PAPSS2: variants seen among roughly 807,000 people sequenced by gnomAD.
The protein encoded by PAPSS2 is bifunctional 3'-phosphoadenosine 5'-phosphosulfate synthase 2.
In PAPSS2, 61 loss-of-function variants were observed where a neutral mutation model predicts 66.5. The ratio of observed to expected loss-of-function variants is 0.92; its 90% confidence interval spans 0.75 to 1.14. The LOEUF is 1.14. Ranked by LOEUF, PAPSS2 falls within the 50% of genes most tolerant of loss-of-function variation. PAPSS2 has a pLI of 0.00. For synonymous variants in PAPSS2, 289 were observed against 287.5 expected (o/e 1.01, Z -0.05); for missense variants, 708 against 789.6 (o/e 0.90, Z 1.24).
intron 1 of PAPSS2, among the ~76,000 whole-genome samples, chr10:87,683,999 A>T (rs1471853438): frequency 1.3e-5 from 2 of 152,206 alleles, no homozygotes; most frequent in African/African-American, 4.8e-5. Context: ...CTGGCCTCAG[A>T]TGAAATATCC....
At chr10:87,695,465 G>C (rs1853220461) in intron 1 of PAPSS2, among the ~76,000 whole-genome samples, 1 of 152,196 alleles carries the variant, frequency 6.6e-6, no homozygotes, top group Admixed American at 6.5e-5. Flanking sequence ...AGGTTAGGGG[G>C]CAAAAGGCAA....
chr10:87,689,338 C>A (rs866157666), intron 1 of PAPSS2, among the ~76,000 whole-genome samples: 17 of 128,276 alleles, frequency 1.3e-4, no homozygotes, highest in Middle Eastern at 8.9e-3. Context: ...AAAACTCCAT[C>A]TCAAAAAAAA....
At chr10:87,701,389 T>TTTC (rs1853312408) in intron 1 of PAPSS2, among the ~76,000 whole-genome samples, 2 of 100,940 alleles carry the variant, frequency 2.0e-5, no homozygotes, top group African/African-American at 9.1e-5. Flanking sequence ...TCTTTCTTTC[T>TTTC]TTCTTTCTCT....
intron 1 of PAPSS2, among the ~76,000 whole-genome samples, chr10:87,670,832 A>T (rs1392594646): frequency 1.3e-5 from 2 of 152,160 alleles, no homozygotes; most frequent in African/African-American, 4.8e-5. Flanking sequence ...CATCAAAAAT[A>T]CCCAGTTTCT....
At chr10:87,692,562 T>C (rs1853184876) in intron 1 of PAPSS2, among the ~76,000 whole-genome samples, 1 of 151,644 alleles carries the variant, frequency 6.6e-6, no homozygotes, top group Non-Finnish European at 1.5e-5. Context: ...AGAAAAAGAG[T>C]GGTCAATGGG....
intron 1 of PAPSS2, among the ~76,000 whole-genome samples, chr10:87,687,865 A>T (rs1165952144): frequency 6.6e-6 from 1 of 152,024 alleles, no homozygotes; most frequent in Non-Finnish European, 1.5e-5. Flanking sequence ...AGAATACAAA[A>T]AATGATGATT....
intron 1 of PAPSS2, among the ~76,000 whole-genome samples, chr10:87,687,755 A>G (rs1381436822): frequency 6.6e-6 from 1 of 152,238 alleles, no homozygotes; most frequent in Admixed American, 6.5e-5. Flanking sequence ...CACAAGGTAT[A>G]CATGTATCGA....
chr10:87,741,543 C>G (rs529014747), intron 10 of PAPSS2, among the ~76,000 whole-genome samples, 173 bp downstream of exon 10: 1 of 151,806 alleles, frequency 6.6e-6, no homozygotes, highest in Non-Finnish European at 1.5e-5. Context: ...TACAGGTGCC[C>G]ACCACTACGC....
intron 9 of PAPSS2, among the ~76,000 whole-genome samples, chr10:87,734,054 C>G (rs1182967319): frequency 6.6e-6 from 1 of 152,156 alleles, no homozygotes. Flanking sequence ...TCTTTCCTCT[C>G]TCTTGTCTTA....
At position 87,747,445 on chromosome 10, in the gene PAPSS2, C is replaced by T. The variant is rs1853956814; in HGVS notation, c.*1475C>T. ...AAAGTTCTTTTGAGAATAAGTTACACACAATGGCCACAGCAGTTTGTCTTT... is the reference window on the plus strand; with the variant it reads ...AAAGTTCTTTTGAGAATAAGTTACATACAATGGCCACAGCAGTTTGTCTTT... On this transcript the variant is annotated 3_prime_UTR_variant, in exon 13 of 13. Transcript: ENST00000456849. 1 of 152,262 alleles carries T rather than the reference C, an allele frequency of 6.6e-6. No individual in the cohort carries two copies. The highest frequency in any genetic ancestry group is 6.5e-5 in the Admixed American group (1 of 15,272). The allele number at this position is 152,262 out of a possible 1,614,324, so 9.4% of individuals were successfully genotyped here. A position where few individuals can be genotyped will look rare whatever the true frequency, so the allele number is the denominator to read the frequency against.
At chr10:87,689,695 G>C (rs991321261) in intron 1 of PAPSS2, among the ~76,000 whole-genome samples, 1 of 124,106 alleles carries the variant, frequency 8.1e-6, no homozygotes, top group African/African-American at 3.1e-5. Flanking sequence ...AAAAAAAAAA[G>C]AACTGGGAAG....
chr10:87,741,054 T>C (rs1381516207), intron 9 of PAPSS2, among the ~76,000 whole-genome samples, 181 bp from the exon 10 acceptor site: 1 of 152,184 alleles, frequency 6.6e-6, no homozygotes, highest in Non-Finnish European at 1.5e-5. Flanking sequence ...TACTCAATAA[T>C]TTTTTAAGAG....
chr10:87,687,755 A>C (rs1381436822), intron 1 of PAPSS2, among the ~76,000 whole-genome samples: 2 of 152,238 alleles, frequency 1.3e-5, no homozygotes, highest in East Asian at 3.8e-4. Context: ...CACAAGGTAT[A>C]CATGTATCGA....
At chr10:87,721,680 T>C (rs1175894382) in intron 7 of PAPSS2, 76 bp from the exon 8 acceptor site, 5 of 952,490 alleles carry the variant, frequency 5.2e-6, no homozygotes, top group Non-Finnish European at 8.2e-6. Context: ...AGGAATTTGT[T>C]CTTTGACATT....
At chr10:87,705,495 G>GT (rs553285178) in intron 1 of PAPSS2, among the ~76,000 whole-genome samples, 374 of 151,866 alleles carry the variant, frequency 2.5e-3, no homozygotes, top group African/African-American at 8.6e-3. Flanking sequence ...AAATGTCAGG[G>GT]TTTTTTTTCC....
intron 1 of PAPSS2, among the ~76,000 whole-genome samples, chr10:87,685,443 A>T (rs974438506): frequency 4.6e-5 from 7 of 152,186 alleles, no homozygotes; most frequent in African/African-American, 1.7e-4. Context: ...CAATCCTGGC[A>T]CTTACGGAGG....
chr10:87,674,478 T>G (rs1394532973), intron 1 of PAPSS2, among the ~76,000 whole-genome samples: 1 of 152,174 alleles, frequency 6.6e-6, no homozygotes, highest in Non-Finnish European at 1.5e-5. Flanking sequence ...AATTTTTTTT[T>G]TATAACTTGT....
At chr10:87,697,441 C>T (rs771502644) in intron 1 of PAPSS2, among the ~76,000 whole-genome samples, 1 of 152,156 alleles carries the variant, frequency 6.6e-6, no homozygotes, top group Non-Finnish European at 1.5e-5. Context: ...AGACCCCTGA[C>T]CTGGAGGGCA....
intron 1 of PAPSS2, among the ~76,000 whole-genome samples, chr10:87,705,662 G>C (rs571999806): frequency 6.6e-6 from 1 of 152,152 alleles, no homozygotes; most frequent in East Asian, 1.9e-4. Flanking sequence ...TACTGGCCTT[G>C]TGTATGTCTT....
Sources: allele counts gnomAD v4.1 joint callset (sites outside exome capture counted in the v4.1 genomes callset), GRCh38; gene constraint gnomAD v4.1.1; transcripts MANE v1.5; gene names NCBI Gene and HGNC (gene_info 2026-07-23, HGNC 2026-07-21).